The following TOGARAM1 variants were observed in gnomAD, a reference collection of about 807,000 sequenced individuals.
The protein encoded by TOGARAM1 is TOG array regulator of axonemal microtubules 1.
TOGARAM1 carries 100 observed loss-of-function variants against 166.6 expected under a neutral mutation model. The observed-to-expected ratio is 0.60, with a 90% CI of 0.51 to 0.71. TOGARAM1 has a LOEUF of 0.71. TOGARAM1 is among the 30% of genes least tolerant of loss of function. The probability of loss-of-function intolerance (pLI) is 0.00; values close to 1 mark genes in which losing one functional copy is unlikely to be tolerated. For synonymous variants in TOGARAM1, 758 were observed against 763.8 expected, an observed-to-expected ratio of 0.99 and a Z score of 0.13; for missense variants, 2,029 against 2,102.7, an observed-to-expected ratio of 0.96 and a Z score of 0.69.
intron 1 of TOGARAM1, chr14:44,978,049 G>A (rs1211723319): frequency 6.6e-6 from 1 of 152,162 alleles, no homozygotes; most frequent in Non-Finnish European, 1.5e-5. Flanking sequence ...GAGATTTTGA[G>A]GATAATTGGT....
At chr14:45,007,711 T>C (rs1336568332) in intron 5 of TOGARAM1, 2 of 152,306 alleles carry the variant, frequency 1.3e-5, no homozygotes, top group Non-Finnish European at 2.9e-5. Context: ...TTATATTCTT[T>C]GGTGTGAGTT....
At chr14:44,965,907 C>T (rs1381804179) in intron 1 of TOGARAM1, among the ~76,000 whole-genome samples, 2 of 144,748 alleles carry the variant, frequency 1.4e-5, no homozygotes, top group Non-Finnish European at 3.0e-5. Context: ...TGGAGTCTCG[C>T]CCTGTTGCCC....
chr14:45,071,544 C>G (rs1225497570), intron 18 of TOGARAM1, among the ~76,000 whole-genome samples, 168 bp from the exon 19 acceptor site: 1 of 152,058 alleles, frequency 6.6e-6, no homozygotes, highest in East Asian at 1.9e-4. Flanking sequence ...TGCTAGCCAC[C>G]ATGCAAGGTT....
Position 44,986,875 on chromosome 14 carries a change from G to A in TOGARAM1, c.2047-8871G>A, listed in dbSNP as rs554216934. ...CAAAAAATTAGCCGGGCGTGGTGGC[G>A]GGTGCCTGTAGTCCTAGCTCCTCGG... On this transcript the variant is annotated intron_variant, in intron 1 of 19. Coordinates refer to ENST00000361462, the MANE Select transcript of TOGARAM1 (RefSeq NM_001308120.2). Among the ~76,000 whole-genome samples, 33 of 150,946 alleles carry A rather than the reference G, an allele frequency of 2.2e-4. No homozygotes were observed. In the South Asian group the frequency reaches 6.8e-3, roughly 31 times the overall value.
At chr14:45,068,735 T>A in intron 18 of TOGARAM1, 92 bp downstream of exon 18, 1 of 898,712 alleles carries the variant, frequency 1.1e-6, no homozygotes, top group Non-Finnish European at 1.6e-6. Flanking sequence ...GCTGAAATCC[T>A]AGTTATTCAG....
intron 18 of TOGARAM1, among the ~76,000 whole-genome samples, chr14:45,070,708 C>T (rs879774193): frequency 6.6e-6 from 1 of 152,050 alleles, no homozygotes; most frequent in Non-Finnish European, 1.5e-5. Flanking sequence ...AAGTTAAACA[C>T]GAATTTTCAA....
In TOGARAM1 at chr14:45,040,247, A is replaced by G. The variant is rs1230721499; in HGVS notation, c.3813-3439A>G. Among the ~76,000 whole-genome samples, 5 of 152,226 alleles carry G rather than the reference A, an allele frequency of 3.3e-5. No individual in the cohort carries two copies. In the East Asian group the frequency reaches 7.7e-4, roughly 23 times the overall value. On this transcript the variant is annotated intron_variant, in intron 11 of 19. Transcript: ENST00000361462. ...ATAAGAAATCAAAAGGAAAATTACA[A>G]ACTATTTTGAATTTGATGAAATAAA... is the stretch of plus-strand genomic sequence containing the variant.
intron 1 of TOGARAM1, among the ~76,000 whole-genome samples, chr14:44,990,370 G>A (rs1382493408): frequency 2.6e-5 from 4 of 152,174 alleles, no homozygotes; most frequent in Non-Finnish European, 5.9e-5. Context: ...TTATATTGTG[G>A]CACATGAGCC....
intron 7 of TOGARAM1, among the ~76,000 whole-genome samples, chr14:45,012,953 T>G (rs947929301): frequency 6.6e-6 from 1 of 152,192 alleles, no homozygotes; most frequent in Non-Finnish European, 1.5e-5. Flanking sequence ...CTCACTTACT[T>G]TGAAACTGTT....
In TOGARAM1 at chr14:44,963,052, C is replaced by A; in HGVS notation, c.631C>A (p.Pro211Thr). 1 of 1,614,166 alleles carries A rather than the reference C, an allele frequency of 6.2e-7. No individual in the cohort carries two copies. Among genetic ancestry groups the A allele is most frequent in the Non-Finnish European group, 8.5e-7 (1 of 1,180,030 alleles). Residue 211 changes from proline (P) to threonine (T), a missense_variant, in exon 1 of 20, where the codon CCT (proline) becomes ACT (threonine). Coordinates refer to ENST00000361462, the MANE Select transcript of TOGARAM1 (RefSeq NM_001308120.2). ...QILHICLKRSPGEVLRTLIQQ... is the reference protein window; with the variant it reads ...QILHICLKRSTGEVLRTLIQQ... Reference sequence around the variant, plus strand: ...CCTTCATATATGTCTGAAACGTAGTCCTGGAGAGGTGCTGAGAACGCTTAT... The same window carrying A: ...CCTTCATATATGTCTGAAACGTAGTACTGGAGAGGTGCTGAGAACGCTTAT...
chr14:45,056,608 T>C (rs1008736792), intron 16 of TOGARAM1, among the ~76,000 whole-genome samples: 2 of 152,168 alleles, frequency 1.3e-5, no homozygotes, highest in Non-Finnish European at 2.9e-5. Flanking sequence ...CTTTTTCTGC[T>C]TCCTTTGAGA....
intron 1 of TOGARAM1, among the ~76,000 whole-genome samples, chr14:44,968,223 T>C (rs1885665853): frequency 6.6e-6 from 1 of 152,214 alleles, no homozygotes; most frequent in African/African-American, 2.4e-5. Context: ...TTAAAAAAAG[T>C]ATATATACAT....
intron 7 of TOGARAM1, among the ~76,000 whole-genome samples, chr14:45,020,742 T>G (rs563734917): frequency 2.0e-5 from 3 of 152,348 alleles, no homozygotes; most frequent in African/African-American, 7.2e-5. Context: ...GTTACCCATC[T>G]GATGCACTGG....
intron 16 of TOGARAM1, among the ~76,000 whole-genome samples, chr14:45,063,334 A>G (rs1276893906): frequency 6.6e-6 from 1 of 152,170 alleles, no homozygotes; most frequent in Non-Finnish European, 1.5e-5. Flanking sequence ...TCTATGTTTA[A>G]TCTTTTGAAG....
At chr14:45,072,993 G>A (rs1883448914) in intron 19 of TOGARAM1, among the ~76,000 whole-genome samples, 1 of 152,150 alleles carries the variant, frequency 6.6e-6, no homozygotes, top group African/African-American at 2.4e-5. Flanking sequence ...AAAGGTCCAT[G>A]GGTTAAAACT....
chr14:45,054,383 CTACT>C lies in TOGARAM1; in HGVS notation c.4441-47_4441-44del, dbSNP rs762320963. On this transcript the variant is annotated intron_variant, in intron 15 of 19. Transcript: ENST00000361462. ...AAATTACATTGTGTAAATTATTTCA[CTACT>C]AGTTTTAAAATTTGTATTATACTAA... is the stretch of plus-strand genomic sequence containing the variant. 4 of 1,148,866 alleles carry C rather than the reference CTACT, an allele frequency of 3.5e-6. No homozygotes were observed. In the East Asian group the frequency reaches 1.0e-4, roughly 29 times the overall value. The allele number at this position is 1,148,866 out of a possible 1,614,324, so 71.2% of individuals were successfully genotyped here.
rs1318866948 is a variant in TOGARAM1, at chr14:45,004,166, T to A, written c.2444T>A (p.Leu815His). 5 of 1,614,128 alleles carry A rather than the reference T, an allele frequency of 3.1e-6. No individual in the cohort carries two copies. Among genetic ancestry groups the A allele is most frequent in the African/African-American group, 2.7e-5 (2 of 75,046 alleles). The change falls in exon 4 of 20, where the codon CTT (leucine) becomes CAT (histidine). Residue 815 changes from leucine (L) to histidine (H), a missense_variant. Coordinates refer to ENST00000361462, the MANE Select transcript of TOGARAM1 (RefSeq NM_001308120.2). ...AATCCAAGTCCAGGAGCTTACATCC[T>A]TCCATCCTATCCTGTCTCATCACCT... is the stretch of plus-strand genomic sequence containing the variant. ...GQNPSPGAYILPSYPVSSPRT... is the reference protein window; with the variant it reads ...GQNPSPGAYIHPSYPVSSPRT...
intron 1 of TOGARAM1, among the ~76,000 whole-genome samples, chr14:44,969,244 C>T (rs1301820597): frequency 3.3e-5 from 5 of 151,198 alleles, no homozygotes; most frequent in East Asian, 1.9e-4. Flanking sequence ...CTCTGCCTCC[C>T]GGGATCAAGT....
intron 13 of TOGARAM1, among the ~76,000 whole-genome samples, chr14:45,045,484 T>A (rs1344899877): frequency 1.4e-5 from 2 of 141,904 alleles, no homozygotes; most frequent in East Asian, 4.2e-4. Flanking sequence ...CCAAGTTTGC[T>A]GCAAAAGACA....
Sources: gnomAD v4.1 joint callset for allele counts (sites outside exome capture counted in the v4.1 genomes callset) on GRCh38, gnomAD v4.1.1 for gene constraint, MANE v1.5 for transcripts, NCBI Gene and HGNC (gene_info 2026-07-23, HGNC 2026-07-21) for gene names.